STN1: variants seen among roughly 807,000 people sequenced by gnomAD.
STN1 encodes STN1 subunit of CST complex.
STN1 carries 29 observed loss-of-function variants against 45.5 expected under a neutral mutation model. The observed-to-expected ratio is 0.64, with a 90% CI of 0.47 to 0.87. The LOEUF (loss-of-function observed/expected upper bound fraction) is 0.87, where lower values mean the gene tolerates loss of function less well. STN1 is among the 40% of genes least tolerant of loss of function. STN1 has a pLI of 0.00. For synonymous variants in STN1, 148 were observed against 159.0 expected (o/e 0.93, Z 0.52); for missense variants, 376 against 441.4 (o/e 0.85, Z 1.33).
chr10:103,892,477 AT>A (rs879764110), intron 7 of STN1, among the ~76,000 whole-genome samples: 229 of 143,934 alleles, frequency 1.6e-3, no homozygotes, highest in East Asian at 3.8e-3. Context: ...CTTAGTTGTG[AT>A]TTTTTTTTTT....
chr10:103,910,428 C>T (rs1843282142), intron 3 of STN1, 99 bp downstream of exon 3: 1 of 727,182 alleles, frequency 1.4e-6, no homozygotes, highest in South Asian at 1.7e-5. Context: ...AGTGAGGGTC[C>T]CCAGCTACTC....
At chr10:103,890,436 C>T (rs936727324) in intron 8 of STN1, among the ~76,000 whole-genome samples, 4 of 152,152 alleles carry the variant, frequency 2.6e-5, no homozygotes, top group Admixed American at 1.3e-4. Flanking sequence ...TCAGAGATGG[C>T]GACAAGAGAT....
chr10:103,883,001 A>C (rs1217956195), intron 9 of STN1, among the ~76,000 whole-genome samples, 160 bp from the exon 10 acceptor site: 1 of 152,186 alleles, frequency 6.6e-6, no homozygotes, highest in Non-Finnish European at 1.5e-5. Flanking sequence ...ACAAAAACAA[A>C]ACAGAAACAC....
chr10:103,901,170 T>C (rs1386019244), intron 4 of STN1, among the ~76,000 whole-genome samples: 2 of 152,136 alleles, frequency 1.3e-5, no homozygotes, highest in Non-Finnish European at 2.9e-5. Context: ...TTACGGCTGG[T>C]GGGTGTAAAA....
rs1431026294 is a variant in STN1, at chr10:103,880,143, A to C, written c.*2541T>G. 6.6e-6 allele frequency among the ~76,000 whole-genome samples: 1 copy of C among 152,228 alleles called. No homozygotes were observed. Among genetic ancestry groups the C allele is most frequent in the Non-Finnish European group, 1.5e-5 (1 of 68,036 alleles). ...ATGTGCTGACAGTGGAAGAGTGAGC[A>C]AAGCTGGGAGTTTTATTGAGTGATG... On this transcript the variant is annotated 3_prime_UTR_variant, in exon 10 of 10. Coordinates refer to ENST00000224950, the MANE Select transcript of STN1 (RefSeq NM_024928.5).
At chr10:103,900,266 C>T (rs1303602825) in intron 4 of STN1, 43 bp from the exon 5 acceptor site, 6 of 1,595,978 alleles carry the variant, frequency 3.8e-6, no homozygotes, top group South Asian at 1.1e-5. Context: ...AAAGTTATAA[C>T]ACAATCACTC....
Position 103,897,558 on chromosome 10 carries a change from G to T in STN1, c.743C>A (p.Ser248Tyr), listed in dbSNP as rs10786775. The T allele has an allele frequency of 6.2e-7, 1 of 1,613,970 alleles. No individual in the cohort carries two copies. Among genetic ancestry groups the T allele is most frequent in the Non-Finnish European group, 8.5e-7 (1 of 1,179,948 alleles). ...LANQPVIHSA[S>Y]SDQVNFKKDT... ...GCATGCTGCACTCACTTGGTCGGAGGAGGCACTGTGAATCACAGGCTGATT... is the reference window on the plus strand; with the variant it reads ...GCATGCTGCACTCACTTGGTCGGAGTAGGCACTGTGAATCACAGGCTGATT... Residue 248 changes from serine (S) to tyrosine (Y), a missense_variant, in exon 7 of 10, where the codon TCC becomes TAC. Transcript: ENST00000224950.
intron 6 of STN1, among the ~76,000 whole-genome samples, chr10:103,898,124 T>C (rs1169175699): frequency 6.6e-6 from 1 of 152,154 alleles, no homozygotes; most frequent in African/African-American, 2.4e-5. Flanking sequence ...GACAGGAAAA[T>C]GGAGAATTTT....
At chr10:103,884,145 T>A (rs1458331849) in intron 9 of STN1, among the ~76,000 whole-genome samples, 6 of 142,904 alleles carry the variant, frequency 4.2e-5, no homozygotes, top group Non-Finnish European at 6.1e-5. Flanking sequence ...CTAATCAGAG[T>A]GTATATTCAG....
Position 103,881,491 on chromosome 10 carries a change from CA to C in STN1, c.*1192del, listed in dbSNP as rs1295252999. Among the ~76,000 whole-genome samples the C allele has an allele frequency of 6.6e-6, 1 of 152,202 alleles. No individual in the cohort carries two copies. Among genetic ancestry groups the C allele is most frequent in the African/African-American group, 2.4e-5 (1 of 41,458 alleles). On this transcript the variant is annotated 3_prime_UTR_variant, in exon 10 of 10. Coordinates refer to ENST00000224950, the MANE Select transcript of STN1 (RefSeq NM_024928.5). ...AAATCAGCAAAGGTTTGCATCATTA[CA>C]AAAGTCTATGACAGGAGGCAATCTA...
chr10:103,880,319 A>G lies in STN1; in HGVS notation c.*2365T>C, dbSNP rs1843060040. Among the ~76,000 whole-genome samples the G allele has an allele frequency of 6.6e-6, 1 of 152,168 alleles. No homozygotes were observed. Among genetic ancestry groups the G allele is most frequent in the African/African-American group, 2.4e-5 (1 of 41,436 alleles). On this transcript the variant is annotated 3_prime_UTR_variant, in exon 10 of 10. Coordinates refer to ENST00000224950, the MANE Select transcript of STN1 (RefSeq NM_024928.5). ...GTATTACTGGAAAAGGCAACATTCG[A>G]TTGGTTAAGGCGTTATTCAGAAAGA...
At chr10:103,893,979 C>G (rs1239750257) in intron 7 of STN1, among the ~76,000 whole-genome samples, 1 of 152,156 alleles carries the variant, frequency 6.6e-6, no homozygotes, top group Non-Finnish European at 1.5e-5. Context: ...TTTGACAACT[C>G]CCACAGGCAG....
rs1441560540 is a variant in STN1, at chr10:103,877,654, A to G, written c.*5030T>C. The G allele has an allele frequency of 1.3e-5, 2 of 152,224 alleles. No homozygotes were observed. Among genetic ancestry groups the G allele is most frequent in the Non-Finnish European group, 2.9e-5 (2 of 68,044 alleles). 9.4% of individuals were successfully genotyped at this position (152,224 alleles called of 1,614,324 possible). A position where few individuals can be genotyped will look rare whatever the true frequency, so the allele number is the denominator to read the frequency against. ...AAGTTCAATAGAAGTAGGGTGATTT[A>G]AAAACATTCTGGATTACAATGAAAA... On this transcript the variant is annotated 3_prime_UTR_variant, in exon 10 of 10. Transcript: ENST00000224950.
At position 103,882,734 on chromosome 10, in the gene STN1, C is replaced by A; in HGVS notation, c.1057G>T (p.Asp353Tyr). 1 of 1,614,202 alleles carries A rather than the reference C, an allele frequency of 6.2e-7. No homozygotes were observed. The change falls in exon 10 of 10, where the codon GAC becomes TAC. Residue 353 changes from aspartate to tyrosine, a missense_variant. By Grantham distance (160) the Asp-to-Tyr change is radical. Coordinates refer to ENST00000224950, the MANE Select transcript of STN1 (RefSeq NM_024928.5). ...ATTGTGCTGACAATGTCACTCTGGT[C>A]CTCCAGGAGCTCCAGAACTTGCTGC... ...VLQQVLELLE[D>Y]QSDIVSTMEH...
rs1261562301 is a variant in STN1 at position 103,881,293 on chromosome 10, TTC to T, written c.*1389_*1390del. Among the ~76,000 whole-genome samples the T allele has an allele frequency of 1.3e-5, 2 of 152,220 alleles. No individual in the cohort carries two copies. Among genetic ancestry groups the T allele is most frequent in the African/African-American group, 4.8e-5 (2 of 41,454 alleles). On this transcript the variant is annotated 3_prime_UTR_variant, in exon 10 of 10. Coordinates refer to ENST00000224950, the MANE Select transcript of STN1 (RefSeq NM_024928.5). Reference sequence around the variant, plus strand: ...TAGGCAAGGGTATGCCCTTTTTACCTTCTGATTCTGAACTCCTTCCTGGGCAG... The same window carrying T: ...TAGGCAAGGGTATGCCCTTTTTACCTTGATTCTGAACTCCTTCCTGGGCAG...
intron 9 of STN1, among the ~76,000 whole-genome samples, chr10:103,884,320 C>T (rs189613246): frequency 4.3e-4 from 66 of 151,924 alleles, no homozygotes; most frequent in East Asian, 2.7e-3. Flanking sequence ...TTGTAGGTTG[C>T]GATCAGCAAC....
intron 5 of STN1, 104 bp from the exon 6 acceptor site, chr10:103,899,104 C>A: frequency 8.0e-7 from 1 of 1,248,238 alleles, no homozygotes. Flanking sequence ...AAATGAGGTG[C>A]TGGGTGGGCC....
intron 2 of STN1, among the ~76,000 whole-genome samples, chr10:103,912,037 G>A (rs1843295452): frequency 6.6e-6 from 1 of 152,100 alleles, no homozygotes; most frequent in African/African-American, 2.4e-5. Context: ...ATAACCTGGT[G>A]GTTGGAGATT....
intron 3 of STN1, among the ~76,000 whole-genome samples, chr10:103,907,073 G>A (rs1030251591): frequency 1.3e-5 from 2 of 151,938 alleles, no homozygotes; most frequent in Non-Finnish European, 1.5e-5. Context: ...GATTGTGCCT[G>A]TGATAGCCAC....
Sources: allele counts gnomAD v4.1 joint callset (sites outside exome capture counted in the v4.1 genomes callset), GRCh38; gene constraint gnomAD v4.1.1; transcripts MANE v1.5; gene names NCBI Gene and HGNC (gene_info 2026-07-23, HGNC 2026-07-21).